The following KANTR variants were observed in gnomAD, a reference collection of about 807,000 sequenced individuals.
The protein encoded by KANTR is KANTR integral membrane protein, also known as KDM5C adjacent transcript.
At chrX:53,117,608 T>TG (rs1933148111) in intron 2 of KANTR, among the ~76,000 whole-genome samples, 1 of 34,638 alleles carries the variant, frequency 2.9e-5, no homozygotes, top group African/African-American at 6.8e-5. Context: ...TGTGTGTGTG[T>TG]GTTTTTTTTT....
intron 2 of KANTR, among the ~76,000 whole-genome samples, chrX:53,139,324 T>A (rs1432751202): frequency 7.2e-5 from 8 of 111,212 alleles, no homozygotes; most frequent in African/African-American, 2.6e-4. Context: ...GTCTGTGACC[T>A]AGGGGCTTGG....
downstream of KANTR, among the ~76,000 whole-genome samples, chrX:53,145,122 G>T (rs1329710721): frequency 1.8e-5 from 2 of 111,612 alleles, no homozygotes; most frequent in Admixed American, 1.9e-4. Flanking sequence ...TGAGGTACCA[G>T]GTTCATCTCA....
At chrX:53,101,157 C>T (rs1488204114) in intron 2 of KANTR, among the ~76,000 whole-genome samples, 1 of 113,078 alleles carries the variant, frequency 8.8e-6, no homozygotes, top group African/African-American at 3.2e-5. Context: ...CATGTGTTCG[C>T]TGGAGTAGCA....
chrX:53,135,257 A>G (rs1208564268), intron 2 of KANTR, among the ~76,000 whole-genome samples: 1 of 111,979 alleles, frequency 8.9e-6, no homozygotes, highest in East Asian at 2.8e-4. Flanking sequence ...CTTCAACACA[A>G]ACAAAAACCT....
chrX:53,120,754 C>G (rs1053907505), intron 2 of KANTR, among the ~76,000 whole-genome samples: 14 of 111,063 alleles, frequency 1.3e-4, no homozygotes, highest in Non-Finnish European at 2.5e-4. Context: ...TCGCATCTCG[C>G]TCAGTTGCCC....
chrX:53,139,373 G>T (rs1264075169), intron 2 of KANTR, among the ~76,000 whole-genome samples: 8 of 112,187 alleles, frequency 7.1e-5, no homozygotes, highest in Non-Finnish European at 1.5e-4. Context: ...CTGAAGAGAT[G>T]ATTGGATTAT....
chrX:53,113,685 T>G (rs1556814150), intron 2 of KANTR, among the ~76,000 whole-genome samples: 1 of 103,047 alleles, frequency 9.7e-6, no homozygotes. Flanking sequence ...GTTGAAGCTA[T>G]TCTCATGCCT....
chrX:53,109,515 C>G (rs1932998922), intron 2 of KANTR, among the ~76,000 whole-genome samples: 1 of 111,776 alleles, frequency 8.9e-6, no homozygotes, highest in East Asian at 2.8e-4. Context: ...AACCCCTGAC[C>G]TCAGGTGATC....
intron 2 of KANTR, among the ~76,000 whole-genome samples, chrX:53,139,672 T>TA (rs1253049996): frequency 2.7e-5 from 3 of 109,891 alleles, no homozygotes; most frequent in Non-Finnish European, 5.7e-5. Context: ...AATTTTTTTT[T>TA]AAATTACCTG....
exon 3 of KANTR, chrX:53,125,318 C>T (rs1556816113): frequency 9.0e-6 from 1 of 111,264 alleles, no homozygotes; most frequent in Non-Finnish European, 1.9e-5. Context: ...TTGGAAACAA[C>T]ATATAACTGG....
At chrX:53,098,132 A>G (rs1556811251) in intron 1 of KANTR, among the ~76,000 whole-genome samples, 1 of 110,430 alleles carries the variant, frequency 9.1e-6, no homozygotes, top group Non-Finnish European at 1.9e-5. Context: ...ACATTGATAC[A>G]TACAGGCATA....
chrX:53,117,117 A>G (rs1556814719), intron 2 of KANTR, among the ~76,000 whole-genome samples: 1 of 110,747 alleles, frequency 9.0e-6, no homozygotes, highest in Non-Finnish European at 1.9e-5. Context: ...TCCCGTCTCT[A>G]CTAAAAATAT....
chrX:53,131,883 C>T (rs1933364451), downstream of KANTR, among the ~76,000 whole-genome samples: 1 of 111,939 alleles, frequency 8.9e-6, no homozygotes, highest in Non-Finnish European at 1.9e-5. Context: ...CCAACTGAGT[C>T]CACCAAAAAT....
At chrX:53,096,702 T>C (rs782096682) in intron 1 of KANTR, among the ~76,000 whole-genome samples, 10 of 109,306 alleles carry the variant, frequency 9.1e-5, no homozygotes, top group African/African-American at 3.3e-4. Flanking sequence ...GGTGCACGCC[T>C]GTGGTCCCAG....
chrX:53,135,180 G>A (rs1461916815), intron 2 of KANTR, among the ~76,000 whole-genome samples: 1 of 111,915 alleles, frequency 8.9e-6, no homozygotes, highest in African/African-American at 3.2e-5. Flanking sequence ...AAGAGCAAAA[G>A]ACCAAACCTT....
At chrX:53,115,819 G>A (rs1933115534) in intron 2 of KANTR, among the ~76,000 whole-genome samples, 2 of 112,232 alleles carry the variant, frequency 1.8e-5, no homozygotes, top group South Asian at 7.4e-4. Flanking sequence ...TTATTTCCGT[G>A]CTACACCCAG....
chrX:53,095,664 A>G (rs1362842291), intron 1 of KANTR, among the ~76,000 whole-genome samples: 3 of 110,807 alleles, frequency 2.7e-5, no homozygotes, highest in Non-Finnish European at 5.7e-5. Flanking sequence ...ATTAGAAGAC[A>G]TGATGAAATG....
At chrX:53,107,153 C>A in intron 2 of KANTR, among the ~76,000 whole-genome samples, 1 of 108,472 alleles carries the variant, frequency 9.2e-6, no homozygotes, top group Non-Finnish European at 1.9e-5. Flanking sequence ...CTTGCATTTT[C>A]ATAGGAATTT....
chrX:53,109,657 TTTG>T (rs1402095004), intron 2 of KANTR, among the ~76,000 whole-genome samples: 1 of 112,753 alleles, frequency 8.9e-6, no homozygotes, highest in Non-Finnish European at 1.9e-5. Context: ...TTTCAGATAC[TTTG>T]TTGTTAGTGT....
Sources: gnomAD v4.1 joint callset for allele counts (sites outside exome capture counted in the v4.1 genomes callset) on GRCh38, gnomAD v4.1.1 for gene constraint, MANE v1.5 for transcripts, NCBI Gene and HGNC (gene_info 2026-07-23, HGNC 2026-07-21) for gene names.